LPP: variants seen among roughly 807,000 people sequenced by gnomAD.
LPP encodes lipoma-preferred partner.
In LPP, 38 loss-of-function variants were observed where a neutral mutation model predicts 60.4. The observed-to-expected ratio is 0.63, with a 90% confidence interval of 0.49 to 0.83. The LOEUF is 0.83. Ranked by LOEUF, LPP falls within the 40% of genes least tolerant of loss-of-function variation. The probability of loss-of-function intolerance (pLI) is 0.00; values close to 1 mark genes in which losing one functional copy is unlikely to be tolerated. For missense variants in LPP, 902 were observed against 783.6 expected (o/e 1.15, Z -1.80); for synonymous variants, 328 against 290.8 (o/e 1.13, Z -1.30).
intron 2 of LPP, among the ~76,000 whole-genome samples, chr3:188,262,328 G>GTT (rs374219679): frequency 3.6e-4 from 53 of 146,354 alleles, no homozygotes; most frequent in African/African-American, 1.2e-3. Context: ...TGAAAATAGT[G>GTT]TTTTTTTTTT....
chr3:188,295,288 A>C (rs1267932082), intron 2 of LPP, among the ~76,000 whole-genome samples: 1 of 152,214 alleles, frequency 6.6e-6, no homozygotes, highest in Non-Finnish European at 1.5e-5. Flanking sequence ...TGAGCAGCTC[A>C]TTCCCCATGC....
At chr3:188,237,936 C>T (rs780273834) in intron 2 of LPP, among the ~76,000 whole-genome samples, 1 of 152,218 alleles carries the variant, frequency 6.6e-6, no homozygotes, top group African/African-American at 2.4e-5. Context: ...CTTTTCTCTA[C>T]TTCTGAAAGT....
chr3:188,815,364 T>C (rs190042311), intron 9 of LPP, among the ~76,000 whole-genome samples: 1 of 152,312 alleles, frequency 6.6e-6, no homozygotes, highest in Admixed American at 6.5e-5. Flanking sequence ...ATATATTGTA[T>C]AGAGAACCAA....
chr3:188,805,700 A>C (rs1239149307), intron 9 of LPP, among the ~76,000 whole-genome samples: 1 of 151,538 alleles, frequency 6.6e-6, no homozygotes, highest in Non-Finnish European at 1.5e-5. Flanking sequence ...TGTTGAGTTG[A>C]GATCTTTTGT....
intron 7 of LPP, among the ~76,000 whole-genome samples, chr3:188,674,965 A>T (rs1057356072): frequency 1.3e-5 from 2 of 152,240 alleles, no homozygotes; most frequent in African/African-American, 4.8e-5. Flanking sequence ...ATTGTGTTGC[A>T]TAAGTCCTTG....
chr3:188,501,113 T>C (rs1811704834), intron 5 of LPP, among the ~76,000 whole-genome samples: 1 of 152,168 alleles, frequency 6.6e-6, no homozygotes, highest in Non-Finnish European at 1.5e-5. Flanking sequence ...TTCTTTCTTT[T>C]TTTCCAAGTT....
At chr3:188,860,174 T>C (rs114902521) in intron 9 of LPP, among the ~76,000 whole-genome samples, 2 of 152,052 alleles carry the variant, frequency 1.3e-5, no homozygotes, top group African/African-American at 4.8e-5. Flanking sequence ...ATATCTTCAC[T>C]TGCAAAGCAA....
intron 7 of LPP, among the ~76,000 whole-genome samples, chr3:188,627,828 CAT>C (rs1241476811): frequency 3.9e-5 from 6 of 152,096 alleles, no homozygotes; most frequent in Non-Finnish European, 5.9e-5. Flanking sequence ...CTCATCTGCA[CAT>C]GACACATACT....
At chr3:188,232,825 G>A (rs1904531) in intron 2 of LPP, among the ~76,000 whole-genome samples, 2,569 of 151,810 alleles carry the variant, frequency 0.017, 66 homozygotes, top group African/African-American at 0.056. Context: ...GTTTTTTTTA[G>A]CCTGTTTTCA....
chr3:188,666,588 G>A (rs182212632), intron 7 of LPP, among the ~76,000 whole-genome samples: 182 of 152,216 alleles, frequency 1.2e-3, no homozygotes, highest in Non-Finnish European at 1.9e-3. Context: ...TATACCTTAC[G>A]GATTTCTTTA....
rs16863539 is a variant in LPP at position 188,697,360 on chromosome 3, T to C, written c.1114-10907T>C. Among the ~76,000 whole-genome samples, 1,123 of 152,298 alleles carry C rather than the reference T, an allele frequency of 7.4e-3. 24 individuals carry two copies. Among genetic ancestry groups the C allele is most frequent in the East Asian group, 0.053 (275 of 5,180 alleles). On this transcript the variant is annotated intron_variant, in intron 7 of 11. Coordinates refer to ENST00000617246, the MANE Select transcript of LPP (RefSeq NM_001375462.1). ...TCAAAAACAGAAATTTACCTCGCCA[T>C]GGAAAGTGATGTGCCAAGCGTCATA...
chr3:188,685,149 G>C (rs1051138119), intron 7 of LPP, among the ~76,000 whole-genome samples: 6 of 152,196 alleles, frequency 3.9e-5, no homozygotes, highest in African/African-American at 1.4e-4. Flanking sequence ...AATTGTAGTG[G>C]TGCAAGACAG....
At chr3:188,237,309 C>T (rs1032358554) in intron 2 of LPP, among the ~76,000 whole-genome samples, 1 of 152,178 alleles carries the variant, frequency 6.6e-6, no homozygotes, top group South Asian at 2.1e-4. Flanking sequence ...CACTCAAAGT[C>T]ACCCATGAGG....
At chr3:188,343,116 C>T (rs180739409) in intron 3 of LPP, among the ~76,000 whole-genome samples, 1 of 152,170 alleles carries the variant, frequency 6.6e-6, no homozygotes, top group East Asian at 1.9e-4. Flanking sequence ...CCTATCCACC[C>T]ATCATCCAGG....
At chr3:188,476,867 G>C (rs900238164) in intron 4 of LPP, among the ~76,000 whole-genome samples, 7 of 152,198 alleles carry the variant, frequency 4.6e-5, no homozygotes, top group Non-Finnish European at 1.0e-4. Flanking sequence ...ACTGAAGGGA[G>C]ATATATTGTG....
chr3:188,550,874 T>A (rs1455748315), intron 6 of LPP, among the ~76,000 whole-genome samples: 1 of 152,156 alleles, frequency 6.6e-6, no homozygotes, highest in African/African-American at 2.4e-5. Flanking sequence ...TATAAATGTG[T>A]TATACTACAT....
At chr3:188,261,283 G>C (rs1391260062) in intron 2 of LPP, among the ~76,000 whole-genome samples, 2 of 151,946 alleles carry the variant, frequency 1.3e-5, no homozygotes, top group Non-Finnish European at 2.9e-5. Flanking sequence ...TAAGTAGCTG[G>C]GACTATTCTG....
intron 6 of LPP, among the ~76,000 whole-genome samples, chr3:188,607,370 G>GATATATATATAT (rs10527365): frequency 1.2e-4 from 12 of 102,724 alleles, no homozygotes; most frequent in South Asian, 2.8e-4. Context: ...GAAAATAGAA[G>GATATATATATAT]ATATATATAT....
At chr3:188,669,586 A>G (rs1479316739) in intron 7 of LPP, among the ~76,000 whole-genome samples, 1 of 152,122 alleles carries the variant, frequency 6.6e-6, no homozygotes, top group Non-Finnish European at 1.5e-5. Context: ...AAAAAAATAA[A>G]AAATAAAAGT....
Sources: gnomAD v4.1 joint callset for allele counts (sites outside exome capture counted in the v4.1 genomes callset) on GRCh38, gnomAD v4.1.1 for gene constraint, MANE v1.5 for transcripts, NCBI Gene and HGNC (gene_info 2026-07-23, HGNC 2026-07-21) for gene names.